Variants in CD180 observed in about 807,000 individuals in gnomAD.
CD180 encodes the protein CD180 molecule.
CD180 carries 11 observed loss-of-function variants against 10.7 expected under a neutral mutation model. The ratio of observed to expected loss-of-function variants is 1.03; its 90% confidence interval spans 0.65 to 1.70. CD180 has a LOEUF of 1.70. Ranked by LOEUF, CD180 falls within the 40% of genes most tolerant of loss-of-function variation. The probability of loss-of-function intolerance (pLI) is 0.00; values close to 1 mark genes in which losing one functional copy is unlikely to be tolerated. For synonymous variants in CD180, 286 were observed against 294.6 expected (o/e 0.97, Z 0.30); for missense variants, 729 against 775.2 (o/e 0.94, Z 0.71).
Position 67,183,483 on chromosome 5 carries a change from A to C in CD180, c.1360T>G (p.Tyr454Asp), listed in dbSNP as rs988737596. 5 of 1,614,220 alleles carry C rather than the reference A, an allele frequency of 3.1e-6. No homozygotes were observed. The Admixed American group carries it at 8.3e-5, about 27-fold the overall frequency. Residue 454 changes from tyrosine (Y) to aspartate (D), a missense_variant, in exon 3 of 3, where the codon TAC (tyrosine) becomes GAC (aspartate). Physicochemically the swap from Tyr to Asp is radical, Grantham distance 160 (BLOSUM62 -3). Transcript: ENST00000256447. The stretch of plus-strand genomic sequence containing the variant: ...TGATTGCTGGTATCAAGGAAGCAGT[A>C]AGTGAGATTCAGAACCTGAAGGAAA... ...LHFLQVLNLT[Y>D]CFLDTSNQHL...
Position 67,180,525 on chromosome 5 carries a change from A to G in CD180, c.*2332T>C, listed in dbSNP as rs1462915755. 1 of 152,144 alleles carries G rather than the reference A, an allele frequency of 6.6e-6. No individual in the cohort carries two copies. Among genetic ancestry groups the G allele is most frequent in the Non-Finnish European group, 1.5e-5 (1 of 68,046 alleles). 9.4% of individuals were successfully genotyped at this position (152,144 alleles called of 1,614,324 possible). On this transcript the variant is annotated 3_prime_UTR_variant, in exon 3 of 3. Transcript: ENST00000256447. The stretch of plus-strand genomic sequence containing the variant: ...GCCAACCTCAGTCCAACAGAATCTC[A>G]GTATCTGGGGGTGAGGCCTGGGAAT...
intron 1 of CD180, among the ~76,000 whole-genome samples, chr5:67,189,870 C>G (rs1742268153): frequency 6.6e-6 from 1 of 152,108 alleles, no homozygotes; most frequent in African/African-American, 2.4e-5. Context: ...TTTATATATC[C>G]TAAAAACAAG....
chr5:67,192,262 C>T (rs562736627), intron 1 of CD180, among the ~76,000 whole-genome samples: 17 of 151,932 alleles, frequency 1.1e-4, no homozygotes, highest in African/African-American at 3.6e-4. Context: ...TGGTGGTGGG[C>T]GCCTGTAGTC....
At position 67,184,288 on chromosome 5, in the gene CD180, T is replaced by A. The variant is rs75804836; in HGVS notation, c.555A>T (p.Ile185=). The stretch of plus-strand genomic sequence containing the variant: ...TCATGTCTTCTCTAGAGATGTAGTG[T>A]ATAGCATTATTCTGAAAATCCAGTA... ...LKVLDFQNNA[I]HYISREDMRS... is the part of the protein sequence containing the mutation. Residue 185 remains isoleucine (I), a synonymous_variant, in exon 3 of 3, where the codon ATA becomes ATT. Transcript: ENST00000256447. 9.9e-5 allele frequency: 160 copies of A among 1,614,192 alleles called. No homozygotes were observed. In the East Asian group the frequency reaches 3.4e-3, roughly 35 times the overall value.
At position 67,185,945 on chromosome 5, in the gene CD180, T is replaced by C. The variant is rs983774539; in HGVS notation, c.163A>G (p.Thr55Ala). The change falls in exon 2 of 3, where the codon ACA becomes GCA. Residue 55 changes from threonine (T) to alanine (A), a missense_variant. Transcript: ENST00000256447. ...TTAAAGCTGAATTCCAAAAATTCTG[T>C]TGTGTTTGGTAGAGTGTCAGGGATT... ...SEIPDTLPNT[T>A]EFLEFSFNFL... 1.9e-6 allele frequency: 3 copies of C among 1,612,044 alleles called. No homozygotes were observed. Among genetic ancestry groups the C allele is most frequent in the African/African-American group, 2.7e-5 (2 of 74,884 alleles).
rs564889998 is a variant in CD180 at position 67,183,964 on chromosome 5, T to G, written c.879A>C (p.Thr293=). 592 of 1,614,148 alleles carry G rather than the reference T, an allele frequency of 3.7e-4. 10 individuals are homozygous for G. In the South Asian group the frequency reaches 6.2e-3, roughly 17 times the overall value. The change falls in exon 3 of 3, where the codon ACA becomes ACC. Residue 293 remains threonine (T), a synonymous_variant. Transcript: ENST00000256447. ...EHRFSDISST[T]FQCFTQLQEL... is the part of the protein sequence containing the mutation. Reference sequence around the variant, plus strand: ...CTTGGAGTTGGGTGAAGCACTGAAATGTGGTGGATGAGATGTCAGAGAAGC... The same window carrying G: ...CTTGGAGTTGGGTGAAGCACTGAAAGGTGGTGGATGAGATGTCAGAGAAGC...
At chr5:67,189,154 C>T (rs187762218) in intron 1 of CD180, among the ~76,000 whole-genome samples, 2 of 152,348 alleles carry the variant, frequency 1.3e-5, no homozygotes, top group East Asian at 3.9e-4. Context: ...CAGTTTGTCT[C>T]ACTCTATTCC....
At chr5:67,184,652 A>C in intron 2 of CD180, 67 bp from the exon 3 acceptor site, 1 of 1,281,190 alleles carries the variant, frequency 7.8e-7, no homozygotes, top group Non-Finnish European at 1.1e-6. Context: ...TTACAGTGAC[A>C]CACATTAACA....
chr5:67,183,901 G>A lies in CD180; in HGVS notation c.942C>T (p.Pro314=), dbSNP rs775507288. 4 of 1,614,158 alleles carry A rather than the reference G, an allele frequency of 2.5e-6. 1 individual carries two copies. Among genetic ancestry groups the A allele is most frequent in the South Asian group, 2.2e-5 (2 of 91,072 alleles). The change falls in exon 3 of 3, where the codon CCC becomes CCT. Residue 314 remains proline, a synonymous_variant. Transcript: ENST00000256447. ...GCAAGTTCAGACCCTTCATCCCAGA[G>A]GGTAACCCTTTCAAGTGAGTTGCTG... is the stretch of plus-strand genomic sequence containing the variant. ...DLTATHLKGL[P]SGMKGLNLLK...
intron 1 of CD180, among the ~76,000 whole-genome samples, chr5:67,188,575 C>G (rs1168573314): frequency 6.6e-6 from 1 of 152,188 alleles, no homozygotes; most frequent in Non-Finnish European, 1.5e-5. Flanking sequence ...GTTACGGACT[C>G]CAGATCAGTG....
chr5:67,190,591 C>T (rs544538702), intron 1 of CD180, among the ~76,000 whole-genome samples: 2 of 152,232 alleles, frequency 1.3e-5, no homozygotes, highest in South Asian at 2.1e-4. Flanking sequence ...ACTCACACAG[C>T]GAGTAGAGCT....
intron 1 of CD180, among the ~76,000 whole-genome samples, chr5:67,187,151 A>G (rs1331876409): frequency 6.6e-6 from 1 of 152,228 alleles, no homozygotes; most frequent in Non-Finnish European, 1.5e-5. Flanking sequence ...TTTGAGAAGC[A>G]TATTTAAATA....
chr5:67,184,504 CA>C lies in CD180; in HGVS notation c.338del (p.Leu113ArgfsTer15). ...TAAGCGATGTTTCTGCCATGAATATCAGGGGATTTCCAGTTAACACAAGTGT... is the reference window on the plus strand; with the variant it reads ...TAAGCGATGTTTCTGCCATGAATATCGGGGATTTCCAGTTAACACAAGTGT... The part of the protein sequence containing the change: ...LSTLVLTGNP[L>X]IFMAETSLNG... On this transcript the variant is annotated frameshift_variant, in exon 3 of 3. Coordinates refer to ENST00000256447, the MANE Select transcript of CD180 (RefSeq NM_005582.3). LOFTEE classifies it low-confidence loss of function (END_TRUNC). The C allele has an allele frequency of 6.2e-7, 1 of 1,613,968 alleles. No homozygotes were observed. The highest frequency in any genetic ancestry group is 8.5e-7 in the Non-Finnish European group (1 of 1,179,850).
chr5:67,186,071 T>C (rs1742188476), intron 1 of CD180, 54 bp from the exon 2 acceptor site: 1 of 1,154,730 alleles, frequency 8.7e-7, no homozygotes, highest in Non-Finnish European at 1.2e-6. Context: ...TTATAGACTA[T>C]CTAGCAAAAT....
Position 67,183,192 on chromosome 5 carries a change from C to A in CD180, c.1651G>T (p.Ala551Ser). ...SHLKGIYLNL[A>S]ANSINIISPR... The stretch of plus-strand genomic sequence containing the variant: ...GAGATGATGTTAATGCTGTTGGCAG[C>A]CAGATTGAGGTAGATTCCCTTAAGA... Residue 551 changes from alanine to serine, a missense_variant, in exon 3 of 3, where the codon GCT (alanine) becomes TCT (serine). Physicochemically the swap from Ala to Ser is moderately conservative, Grantham distance 99. Transcript: ENST00000256447. The A allele has an allele frequency of 1.2e-6, 2 of 1,611,220 alleles. No individual in the cohort carries two copies. The highest frequency in any genetic ancestry group is 1.7e-5 in the Admixed American group (1 of 59,894).
rs1187684804 is a variant in CD180 at position 67,181,658 on chromosome 5, G to A, written c.*1199C>T. ...TTGAACAGAACAATGCACCACTTGA[G>A]TCCAGGAGCTCCCGCCAAGCTTGTC... On this transcript the variant is annotated 3_prime_UTR_variant, in exon 3 of 3. Coordinates refer to ENST00000256447, the MANE Select transcript of CD180 (RefSeq NM_005582.3). 6 of 152,324 alleles carry A rather than the reference G, an allele frequency of 3.9e-5. 1 individual carries two copies. Among genetic ancestry groups the A allele is most frequent in the Admixed American group, 3.3e-4 (5 of 15,290 alleles). 9.4% of individuals were successfully genotyped at this position (152,324 alleles called of 1,614,324 possible).
rs778911617 is a variant in CD180 at position 67,184,566 on chromosome 5, G to T, written c.277C>A (p.His93Asn). 1 of 1,594,758 alleles carries T rather than the reference G, an allele frequency of 6.3e-7. No individual in the cohort carries two copies. The highest frequency in any genetic ancestry group is 8.6e-7 in the Non-Finnish European group (1 of 1,164,482). The change falls in exon 3 of 3, where the codon CAT becomes AAT. Residue 93 changes from histidine to asparagine, a missense_variant. Physicochemically the swap from His to Asn is moderately conservative, Grantham distance 68. Transcript: ENST00000256447. The stretch of plus-strand genomic sequence containing the variant: ...TGATGGCTTTGAAAAGTGTCTTCAT[G>T]TATCCAGTTAATCTGGCACCTTGAA... ...DLTRCQINWI[H>N]EDTFQSHHQL...
In CD180 at chr5:67,181,269, G is replaced by GT. The variant is rs1210506066; in HGVS notation, c.*1587dup. 1.3e-5 allele frequency: 2 copies of GT among 152,172 alleles called. No individual in the cohort carries two copies. Among genetic ancestry groups the GT allele is most frequent in the Non-Finnish European group, 2.9e-5 (2 of 68,032 alleles). The allele number at this position is 152,172 out of a possible 1,614,324, so 9.4% of individuals were successfully genotyped here. On this transcript the variant is annotated 3_prime_UTR_variant, in exon 3 of 3. Transcript: ENST00000256447. ...ATAGAGGTTGCTTTGGATTAGCTAG[G>GT]TCAGAGAAGAAATCCCTCAAAGGAG...
chr5:67,195,462 C>T (rs5744468), intron 1 of CD180, among the ~76,000 whole-genome samples: 6,360 of 152,302 alleles, frequency 0.042, 245 homozygotes, highest in East Asian at 0.17. Flanking sequence ...AGGCATACAC[C>T]CACCTTGGCC....
Sources: allele counts gnomAD v4.1 joint callset (sites outside exome capture counted in the v4.1 genomes callset), GRCh38; gene constraint gnomAD v4.1.1; transcripts MANE v1.5; gene names NCBI Gene and HGNC (gene_info 2026-07-23, HGNC 2026-07-21).